CDON: variants seen among roughly 807,000 people sequenced by gnomAD.
The protein encoded by CDON is cell adhesion associated, oncogene regulated.
Under a neutral mutation model 120.9 loss-of-function variants are expected in CDON, and 73 were observed. That is an observed-to-expected ratio of 0.60 (90% confidence interval 0.50 to 0.73). The LOEUF (loss-of-function observed/expected upper bound fraction) is 0.73, where lower values mean the gene tolerates loss of function less well. Among genes scored for constraint, CDON ranks in the 30% least tolerant of loss-of-function variants. CDON has a pLI of 0.00. For synonymous variants in CDON, 566 were observed against 573.5 expected, an observed-to-expected ratio of 0.99 and a Z score of 0.19; for missense variants, 1,470 against 1,587.3, an observed-to-expected ratio of 0.93 and a Z score of 1.26.
At chr11:126,058,284 C>A (rs1948721711) in intron 1 of CDON, among the ~76,000 whole-genome samples, 1 of 152,144 alleles carries the variant, frequency 6.6e-6, no homozygotes, top group South Asian at 2.1e-4. Context: ...TACAGCAGAA[C>A]AAAATGTTCT....
At chr11:126,009,001 T>C (rs1203791719) in intron 8 of CDON, among the ~76,000 whole-genome samples, 2 of 152,212 alleles carry the variant, frequency 1.3e-5, no homozygotes, top group Non-Finnish European at 2.9e-5. Flanking sequence ...ATTAACTCCT[T>C]GGATTCTCAC....
intron 18 of CDON, among the ~76,000 whole-genome samples, chr11:125,965,933 G>A (rs753759197): frequency 2.0e-5 from 3 of 152,118 alleles, no homozygotes; most frequent in African/African-American, 4.8e-5. Context: ...TCGGGAGTTC[G>A]AGACAAGCCT....
In CDON at chr11:126,015,362, T is replaced by G. The variant is rs1203954767; in HGVS notation, c.1077A>C (p.Leu359=). The G allele has an allele frequency of 1.9e-6, 3 of 1,614,144 alleles. No homozygotes were observed. ...TGATTTTCAGTCCGTTTCCTGCAGTTAGATGTCGTGCAGAAGGATGAATAG... is the reference window on the plus strand; with the variant it reads ...TGATTTTCAGTCCGTTTCCTGCAGTGAGATGTCGTGCAGAAGGATGAATAG... ...AQPIHPSARH[L]TAGNGLKISG... The change falls in exon 7 of 20, where the codon CTA becomes CTC. Residue 359 remains leucine, a synonymous_variant. Transcript: ENST00000531738.
intron 14 of CDON, among the ~76,000 whole-genome samples, chr11:125,993,390 T>C (rs632247): frequency 0.94 from 143,108 of 151,818 alleles, 67,505 homozygotes; most frequent in East Asian, 0.99. Context: ...CATGCGCGCG[T>C]GCGTGCACAC....
At chr11:125,998,780 G>C (rs1262652299) in intron 11 of CDON, among the ~76,000 whole-genome samples, 1 of 152,190 alleles carries the variant, frequency 6.6e-6, no homozygotes, top group Admixed American at 6.5e-5. Context: ...TCTGTGAACT[G>C]GATAGACATG....
Position 126,023,316 on chromosome 11 carries a change from C to G in CDON, c.76+85G>C, listed in dbSNP as rs11828471. ...AAACATCTTTAGATAGCACCATTAT[C>G]ACAAAGCATTGAAGTACAAATTTAT... On this transcript the variant is annotated intron_variant, in intron 2 of 19. Transcript: ENST00000531738. The G allele has an allele frequency of 6.7e-3, 5,885 of 884,516 alleles. 209 individuals are homozygous for G. In the African/African-American group the frequency reaches 0.083, roughly 12 times the overall value. The allele number at this position is 884,516 out of a possible 1,614,324, so 54.8% of individuals were successfully genotyped here.
chr11:126,015,345 A>G lies in CDON; in HGVS notation c.1094T>C (p.Leu365Pro). The change falls in exon 7 of 20, where the codon CTG becomes CCG. Residue 365 changes from leucine to proline, a missense_variant. Coordinates refer to ENST00000531738, the MANE Select transcript of CDON (RefSeq NM_001378964.1). Reference protein sequence around the residue: ...SARHLTAGNGLKISGVTVEDV... With the variant: ...SARHLTAGNGPKISGVTVEDV... ...TTCCACAGTAACCCCACTGATTTTC[A>G]GTCCGTTTCCTGCAGTTAGATGTCG... is the stretch of plus-strand genomic sequence containing the variant. The G allele has an allele frequency of 1.2e-6, 2 of 1,614,130 alleles. No individual in the cohort carries two copies. The highest frequency in any genetic ancestry group is 1.7e-5 in the Admixed American group (1 of 60,016).
intron 7 of CDON, among the ~76,000 whole-genome samples, chr11:126,012,817 C>A (rs1020932082): frequency 6.6e-6 from 1 of 152,180 alleles, no homozygotes; most frequent in African/African-American, 2.4e-5. Context: ...TAATGGCCAG[C>A]AAACTATTTG....
intron 16 of CDON, among the ~76,000 whole-genome samples, chr11:125,983,063 A>G (rs572554800): frequency 2.6e-5 from 4 of 152,214 alleles, no homozygotes; most frequent in African/African-American, 9.6e-5. Context: ...AGCATGCGTG[A>G]GAACTGGCTA....
intron 1 of CDON, among the ~76,000 whole-genome samples, chr11:126,037,389 T>A (rs1043635421): frequency 2.0e-5 from 3 of 152,086 alleles, no homozygotes; most frequent in Admixed American, 1.3e-4. Flanking sequence ...CGTGACCCAC[T>A]GCACCCAGCC....
intron 17 of CDON, among the ~76,000 whole-genome samples, chr11:125,979,079 T>C (rs1946221371): frequency 6.6e-6 from 1 of 152,180 alleles, no homozygotes; most frequent in Non-Finnish European, 1.5e-5. Flanking sequence ...AAAATGAAGT[T>C]AAAAATTAAA....
intron 18 of CDON, among the ~76,000 whole-genome samples, chr11:125,975,035 G>A (rs1005858051): frequency 3.3e-5 from 5 of 151,586 alleles, no homozygotes; most frequent in African/African-American, 9.7e-5. Flanking sequence ...TCCCTCCTGT[G>A]CACTGCCATC....
intron 3 of CDON, among the ~76,000 whole-genome samples, chr11:126,020,341 C>CA (rs1379230971): frequency 6.6e-6 from 1 of 152,082 alleles, no homozygotes; most frequent in Admixed American, 6.5e-5. Context: ...CCTAGGACAT[C>CA]AAAAAAATAA....
intron 14 of CDON, among the ~76,000 whole-genome samples, chr11:125,991,656 TAA>T (rs754188695): frequency 6.9e-6 from 1 of 145,312 alleles, no homozygotes; most frequent in Non-Finnish European, 1.5e-5. Context: ...ATCTAAAACT[TAA>T]AAAAAAAAAA....
intron 8 of CDON, among the ~76,000 whole-genome samples, chr11:126,006,848 T>C (rs1205907205): frequency 6.6e-6 from 1 of 152,200 alleles, no homozygotes; most frequent in Non-Finnish European, 1.5e-5. Context: ...GCACATATTA[T>C]GTGCCAAGCA....
At chr11:126,031,021 TG>T (rs1947928618) in intron 1 of CDON, among the ~76,000 whole-genome samples, 1 of 152,184 alleles carries the variant, frequency 6.6e-6, no homozygotes, top group Non-Finnish European at 1.5e-5. Flanking sequence ...TAAAGGAAAC[TG>T]CTCAACTAAG....
chr11:125,988,034 C>T (rs574783122), intron 15 of CDON, among the ~76,000 whole-genome samples: 4 of 152,170 alleles, frequency 2.6e-5, no homozygotes, highest in Non-Finnish European at 5.9e-5. Flanking sequence ...ATAAGATCAC[C>T]TGTAGAGACC....
At chr11:126,053,760 CAT>C (rs1175109703) in intron 1 of CDON, among the ~76,000 whole-genome samples, 1 of 152,162 alleles carries the variant, frequency 6.6e-6, no homozygotes, top group Non-Finnish European at 1.5e-5. Context: ...CTCATACTCT[CAT>C]AGTCACCAAC....
chr11:125,970,177 T>TG (rs1204683050), intron 18 of CDON, among the ~76,000 whole-genome samples: 2 of 123,866 alleles, frequency 1.6e-5, no homozygotes, highest in South Asian at 3.0e-4. Flanking sequence ...TTTATGTTTT[T>TG]TTTTTTTTTT....
Sources: allele counts gnomAD v4.1 joint callset (sites outside exome capture counted in the v4.1 genomes callset), GRCh38; gene constraint gnomAD v4.1.1; transcripts MANE v1.5; gene names NCBI Gene and HGNC (gene_info 2026-07-23, HGNC 2026-07-21).